Variants in NTN4 observed in about 807,000 individuals in gnomAD.
The protein encoded by NTN4 is netrin-4.
Under a neutral mutation model 73.6 loss-of-function variants are expected in NTN4, and 32 were observed. The ratio of observed to expected loss-of-function variants is 0.44; its 90% confidence interval spans 0.33 to 0.58. The LOEUF is 0.58. Ranked by LOEUF, NTN4 falls within the 20% of genes least tolerant of loss-of-function variation. The pLI, the probability that NTN4 is intolerant of heterozygous loss-of-function variation, is 0.04. For missense variants in NTN4, 654 were observed against 798.3 expected (o/e 0.82, Z 2.18); for synonymous variants, 258 against 287.5 (o/e 0.90, Z 1.04).
Position 95,738,171 on chromosome 12 carries a change from G to A in NTN4, c.586-27C>T, listed in dbSNP as rs200848524. 4,656 of 1,591,986 alleles carry A rather than the reference G, an allele frequency of 2.9e-3. 11 individuals are homozygous for A. Among genetic ancestry groups the A allele is most frequent in the African/African-American group, 0.011 (799 of 74,534 alleles). On this transcript the variant is annotated intron_variant, in intron 2 of 9. Coordinates refer to ENST00000343702, the MANE Select transcript of NTN4 (RefSeq NM_021229.4). The stretch of plus-strand genomic sequence containing the variant: ...TGTAAGGAGAAAGAAAATACCATGC[G>A]TTTATAGGACTGTGCGCAAACCCTG...
intron 4 of NTN4, among the ~76,000 whole-genome samples, chr12:95,711,416 C>T (rs7304999): frequency 0.11 from 16,316 of 152,128 alleles, 1,467 homozygotes; most frequent in East Asian, 0.57. Context: ...AGGGTCATCC[C>T]TGTGGGTCTC....
intron 2 of NTN4, among the ~76,000 whole-genome samples, chr12:95,777,675 A>G (rs1023131176): frequency 2.0e-5 from 3 of 152,202 alleles, no homozygotes; most frequent in Admixed American, 6.5e-5. Context: ...GCAAGTCCTT[A>G]GAGACCTACA....
intron 3 of NTN4, among the ~76,000 whole-genome samples, chr12:95,729,754 C>G (rs2078724793): frequency 6.6e-6 from 1 of 151,716 alleles, no homozygotes; most frequent in African/African-American, 2.4e-5. Flanking sequence ...TTATCTTCTA[C>G]TGAATATAAC....
At chr12:95,713,453 T>C in intron 3 of NTN4, 115 bp from the exon 4 acceptor site, 1 of 1,212,998 alleles carries the variant, frequency 8.2e-7, no homozygotes, top group East Asian at 2.5e-5. Flanking sequence ...GTTCATTCAC[T>C]TTCCTGAAGA....
chr12:95,672,572 C>A (rs769081236), intron 7 of NTN4: 9 of 1,520,788 alleles, frequency 5.9e-6, no homozygotes, highest in East Asian at 4.5e-5. Flanking sequence ...CCTCAATGAG[C>A]GGCACTATGG....
At chr12:95,764,881 T>G (rs1408199777) in intron 2 of NTN4, among the ~76,000 whole-genome samples, 1 of 152,168 alleles carries the variant, frequency 6.6e-6, no homozygotes, top group Non-Finnish European at 1.5e-5. Flanking sequence ...AGAGAGATTT[T>G]TTTAAAGCAT....
chr12:95,710,403 C>A, intron 5 of NTN4, 38 bp downstream of exon 5: 2 of 1,552,696 alleles, frequency 1.3e-6, no homozygotes, highest in Non-Finnish European at 1.8e-6. Flanking sequence ...ATCTCTTGTA[C>A]AAATCAGCCT....
chr12:95,782,304 T>TC (rs770707471), intron 2 of NTN4, among the ~76,000 whole-genome samples: 17 of 151,940 alleles, frequency 1.1e-4, no homozygotes, highest in Non-Finnish European at 2.2e-4. Flanking sequence ...TTTTTTTTTT[T>TC]CTTTTTTTTG....
At chr12:95,709,504 C>G (rs947537226) in intron 5 of NTN4, among the ~76,000 whole-genome samples, 5 of 150,252 alleles carry the variant, frequency 3.3e-5, no homozygotes, top group Non-Finnish European at 7.4e-5. Flanking sequence ...TTTTTCTTTT[C>G]TTTCCTTTCC....
chr12:95,695,365 CTTTAT>C lies in NTN4; in HGVS notation c.1181-11659_1181-11655del, dbSNP rs138151831. Among the ~76,000 whole-genome samples the C allele has an allele frequency of 8.1e-3, 1,237 of 152,024 alleles. 13 individuals are homozygous for C. The highest frequency in any genetic ancestry group is 0.013 in the Non-Finnish European group (913 of 67,956). ...TGCAAATAAATACAAAAGTCATAGCCTTTATTTTATTTTATTTTGAGACAAGTCTT... is the reference window on the plus strand; with the variant it reads ...TGCAAATAAATACAAAAGTCATAGCCTTTATTTTATTTTGAGACAAGTCTT... On this transcript the variant is annotated intron_variant, in intron 5 of 9. Coordinates refer to ENST00000343702, the MANE Select transcript of NTN4 (RefSeq NM_021229.4).
At chr12:95,736,375 C>T (rs2078777856) in intron 3 of NTN4, among the ~76,000 whole-genome samples, 1 of 152,144 alleles carries the variant, frequency 6.6e-6, no homozygotes, top group African/African-American at 2.4e-5. Flanking sequence ...GGGCCTCTGT[C>T]ATTTTGCTCA....
chr12:95,728,660 C>G (rs1372471182), intron 3 of NTN4, among the ~76,000 whole-genome samples: 1 of 152,178 alleles, frequency 6.6e-6, no homozygotes, highest in Non-Finnish European at 1.5e-5. Flanking sequence ...AATAAAATCA[C>G]TGCCTTTCAG....
At chr12:95,696,289 C>T (rs776080383) in intron 5 of NTN4, among the ~76,000 whole-genome samples, 18 of 151,838 alleles carry the variant, frequency 1.2e-4, no homozygotes, top group Admixed American at 4.6e-4. Flanking sequence ...TCTATTTCCA[C>T]GGGGATAGAG....
rs2079012694 is a variant in NTN4, at chr12:95,765,218, T to A, written c.585+21721A>T. 2.0e-5 allele frequency among the ~76,000 whole-genome samples: 3 copies of A among 152,326 alleles called. No homozygotes were observed. In the South Asian group the frequency reaches 6.2e-4, roughly 32 times the overall value. On this transcript the variant is annotated intron_variant, in intron 2 of 9. Transcript: ENST00000343702. Reference sequence around the variant, plus strand: ...CATTCATAACACAGTTCAAAAAGAATTTGTAAAGTCTCAATAAATATGTCA... The same window carrying A: ...CATTCATAACACAGTTCAAAAAGAAATTGTAAAGTCTCAATAAATATGTCA...
intron 5 of NTN4, among the ~76,000 whole-genome samples, chr12:95,695,212 T>C (rs899230040): frequency 1.6e-4 from 24 of 152,004 alleles, no homozygotes; most frequent in Non-Finnish European, 5.9e-5. Flanking sequence ...GTTCAGTGTC[T>C]CCTGAGTTTT....
At chr12:95,708,474 A>G (rs956806136) in intron 5 of NTN4, among the ~76,000 whole-genome samples, 4 of 151,734 alleles carry the variant, frequency 2.6e-5, no homozygotes. Context: ...TTTTTAGTAG[A>G]GATGGGGTTT....
intron 3 of NTN4, among the ~76,000 whole-genome samples, chr12:95,722,206 A>G (rs1168341161): frequency 1.3e-5 from 2 of 152,186 alleles, no homozygotes; most frequent in Non-Finnish European, 2.9e-5. Flanking sequence ...AAGCAAAAAC[A>G]AACCCCCAAA....
chr12:95,740,372 C>T (rs1282472152), intron 2 of NTN4, among the ~76,000 whole-genome samples: 1 of 152,162 alleles, frequency 6.6e-6, no homozygotes, highest in Non-Finnish European at 1.5e-5. Flanking sequence ...TCAGCCTCTT[C>T]TGTGTTTTGT....
Position 95,665,665 on chromosome 12 carries a change from C to T in NTN4, c.1750+145G>A, listed in dbSNP as rs145133712. ...TTTTCGATGTTAGTTCAAAGAATTC[C>T]ATTTGGATTTTCCGCAGGAGTCAGA... On this transcript the variant is annotated intron_variant, in intron 9 of 9. Coordinates refer to ENST00000343702, the MANE Select transcript of NTN4 (RefSeq NM_021229.4). 4.7e-3 allele frequency: 2,581 copies of T among 554,650 alleles called. 12 individuals are homozygous for T. The highest frequency in any genetic ancestry group is 6.5e-3 in the Non-Finnish European group (2,060 of 319,264). The allele number at this position is 554,650 out of a possible 1,614,324, so 34.4% of individuals were successfully genotyped here.
Sources: allele counts gnomAD v4.1 joint callset (sites outside exome capture counted in the v4.1 genomes callset), GRCh38; gene constraint gnomAD v4.1.1; transcripts MANE v1.5; gene names NCBI Gene and HGNC (gene_info 2026-07-23, HGNC 2026-07-21).